The following STPG2 variants were observed in gnomAD, a reference collection of about 807,000 sequenced individuals.
STPG2 encodes sperm tail PG-rich repeat containing 2.
In STPG2, 56 loss-of-function variants were observed where a neutral mutation model predicts 54.2. The observed-to-expected ratio is 1.03, with a 90% CI of 0.83 to 1.29. The LOEUF is 1.29. Ranked by LOEUF, STPG2 falls within the 50% of genes most tolerant of loss-of-function variation. The pLI, the probability that STPG2 is intolerant of heterozygous loss-of-function variation, is 0.00. For synonymous variants in STPG2, 200 were observed against 181.8 expected (o/e 1.10, Z -0.81); for missense variants, 596 against 544.9 (o/e 1.09, Z -0.93).
At chr4:97,818,643 C>G (rs1727990987) in intron 9 of STPG2, among the ~76,000 whole-genome samples, 1 of 151,718 alleles carries the variant, frequency 6.6e-6, no homozygotes, top group South Asian at 2.1e-4. Context: ...TGAGGCTTAC[C>G]ACTCTATTTT....
intron 10 of STPG2, among the ~76,000 whole-genome samples, chr4:97,659,258 A>G (rs1252975892): frequency 6.6e-6 from 1 of 152,216 alleles, no homozygotes; most frequent in Non-Finnish European, 1.5e-5. Context: ...AGCCATTTAT[A>G]TATGTAAAAA....
chr4:98,022,909 A>G (rs1007566138), intron 5 of STPG2, among the ~76,000 whole-genome samples: 2 of 152,096 alleles, frequency 1.3e-5, no homozygotes, highest in Non-Finnish European at 2.9e-5. Context: ...TATTCTAGTT[A>G]TACATTCATC....
At chr4:98,065,288 G>C (rs1737798673) in intron 5 of STPG2, among the ~76,000 whole-genome samples, 1 of 152,040 alleles carries the variant, frequency 6.6e-6, no homozygotes, top group Admixed American at 6.6e-5. Flanking sequence ...CCATTTTAAT[G>C]ACAGGATTAT....
chr4:98,109,226 G>C lies in STPG2; in HGVS notation c.467C>G (p.Ser156Ter), dbSNP rs1273821998. 1.2e-6 allele frequency: 2 copies of C among 1,610,752 alleles called. No homozygotes were observed. Among genetic ancestry groups the C allele is most frequent in the Non-Finnish European group, 1.7e-6 (2 of 1,178,196 alleles). ...SSGRQELPKK[S>*]GPGPGQYDIV... Reference sequence around the variant, plus strand: ...ATCATACTGTCCTGGACCAGGACCTGACTTTTTAGGTAACTCTTGTCTTCC... The same window carrying C: ...ATCATACTGTCCTGGACCAGGACCTCACTTTTTAGGTAACTCTTGTCTTCC... Residue 156 changes from serine to a stop codon, truncating the protein, a stop_gained, in exon 4 of 11, where the codon TCA (serine) becomes TGA (stop). Coordinates refer to ENST00000295268, the MANE Select transcript of STPG2 (RefSeq NM_174952.3). LOFTEE classifies it high-confidence loss of function.
At chr4:97,646,723 G>T (rs1033806177) in intron 10 of STPG2, among the ~76,000 whole-genome samples, 1 of 147,814 alleles carries the variant, frequency 6.8e-6, no homozygotes, top group Non-Finnish European at 1.5e-5. Flanking sequence ...CAACTGCTTA[G>T]TAAGTGATAT....
chr4:97,590,955 C>T (rs937134563), intron 10 of STPG2, among the ~76,000 whole-genome samples: 6 of 151,994 alleles, frequency 3.9e-5, no homozygotes, highest in African/African-American at 1.4e-4. Flanking sequence ...CTGATAAGTA[C>T]AAGACATCTC....
At chr4:97,806,785 C>A (rs1727580985) in intron 9 of STPG2, among the ~76,000 whole-genome samples, 1 of 152,076 alleles carries the variant, frequency 6.6e-6, no homozygotes, top group South Asian at 2.1e-4. Context: ...CTTTGCACTT[C>A]TTTATGCTCT....
chr4:97,841,711 A>T (rs990908064), intron 8 of STPG2, among the ~76,000 whole-genome samples: 8 of 151,882 alleles, frequency 5.3e-5, no homozygotes, highest in African/African-American at 1.9e-4. Context: ...GGACTCTGGC[A>T]CTAGACTTCC....
chr4:97,533,097 G>C (rs1032879662), intron 4 of STPG2, among the ~76,000 whole-genome samples: 3 of 152,002 alleles, frequency 2.0e-5, no homozygotes, highest in Non-Finnish European at 4.4e-5. Flanking sequence ...TAGCCAGGAT[G>C]GTTTCGATCT....
At chr4:98,134,276 A>C (rs2110168023) in intron 2 of STPG2, 71 bp downstream of exon 2, 1 of 744,634 alleles carries the variant, frequency 1.3e-6, no homozygotes, top group East Asian at 3.1e-5. Context: ...AAAATACAAC[A>C]AATGACATTT....
intron 5 of STPG2, among the ~76,000 whole-genome samples, chr4:98,014,567 T>C (rs1276557230): frequency 2.6e-5 from 4 of 152,322 alleles, no homozygotes; most frequent in South Asian, 2.1e-4. Flanking sequence ...TAACTGTTTA[T>C]ATTATGTATC....
intron 4 of STPG2, among the ~76,000 whole-genome samples, chr4:97,522,762 T>A (rs143111732): frequency 6.6e-5 from 10 of 152,020 alleles, no homozygotes; most frequent in Non-Finnish European, 1.2e-4. Context: ...CTGGCAAATG[T>A]TTTGGTTGGG....
At chr4:97,877,110 T>G (rs1426441964) in intron 8 of STPG2, among the ~76,000 whole-genome samples, 1 of 152,188 alleles carries the variant, frequency 6.6e-6, no homozygotes, top group African/African-American at 2.4e-5. Context: ...ACATTTAAAA[T>G]CTATTATTTT....
intron 10 of STPG2, among the ~76,000 whole-genome samples, chr4:97,710,349 TA>T (rs1724074488): frequency 6.6e-6 from 1 of 152,014 alleles, no homozygotes; most frequent in African/African-American, 2.4e-5. Flanking sequence ...ACTCCAGAGA[TA>T]ATTTACAAAA....
chr4:98,042,058 T>C (rs1736977340), intron 5 of STPG2, among the ~76,000 whole-genome samples: 1 of 151,920 alleles, frequency 6.6e-6, no homozygotes, highest in Admixed American at 6.6e-5. Context: ...TGGTTCAATC[T>C]GGAAATAATA....
chr4:98,027,546 G>T (rs370762784), intron 5 of STPG2, among the ~76,000 whole-genome samples: 1 of 152,130 alleles, frequency 6.6e-6, no homozygotes, highest in East Asian at 1.9e-4. Flanking sequence ...CTGTAGACTT[G>T]CAAAACTAGA....
At chr4:97,796,942 A>G (rs1727204952) in intron 9 of STPG2, among the ~76,000 whole-genome samples, 1 of 151,996 alleles carries the variant, frequency 6.6e-6, no homozygotes, top group Non-Finnish European at 1.5e-5. Context: ...TAGGTATTTT[A>G]TTCTCTTGGA....
chr4:98,062,696 T>G (rs1163954811), intron 5 of STPG2, among the ~76,000 whole-genome samples: 1 of 152,044 alleles, frequency 6.6e-6, no homozygotes, highest in East Asian at 1.9e-4. Context: ...CAAAAGCAAT[T>G]GCAGTTTTTG....
At chr4:98,083,860 T>G (rs1234741323) in intron 5 of STPG2, among the ~76,000 whole-genome samples, 1 of 152,206 alleles carries the variant, frequency 6.6e-6, no homozygotes, top group African/African-American at 2.4e-5. Flanking sequence ...TCTATTTTCT[T>G]TTTTGTTTTT....
Sources: allele counts gnomAD v4.1 joint callset (sites outside exome capture counted in the v4.1 genomes callset), GRCh38; gene constraint gnomAD v4.1.1; transcripts MANE v1.5; gene names NCBI Gene and HGNC (gene_info 2026-07-23, HGNC 2026-07-21).